KCNA6: variants seen among roughly 807,000 people sequenced by gnomAD.
KCNA6 encodes the protein human brain potassium channel-2.
Under a neutral mutation model 29.5 loss-of-function variants are expected in KCNA6, and 17 were observed. The ratio of observed to expected loss-of-function variants is 0.58; its 90% CI spans 0.39 to 0.86. KCNA6 has a LOEUF of 0.86. KCNA6 is among the 40% of genes least tolerant of loss of function. The pLI is 0.00. For missense variants in KCNA6, 450 were observed against 703.4 expected (o/e 0.64, Z 4.07); for synonymous variants, 296 against 304.7 (o/e 0.97, Z 0.30).
At chr12:4,813,883 T>C (rs7310372), downstream of KCNA6, 57,903 of 166,992 alleles carry the variant, frequency 0.35, 10,391 homozygotes, top group South Asian at 0.54. Context: ...GAAAACATTT[T>C]CTTTTCAAGT....
the KCNA6 span, among the ~76,000 whole-genome samples, chr12:4,828,335 C>A: frequency 6.6e-6 from 1 of 152,228 alleles, no homozygotes; most frequent in Non-Finnish European, 1.5e-5. Context: ...CTCTAGTTTT[C>A]TCATGCAATT....
the KCNA6 span, among the ~76,000 whole-genome samples, chr12:4,846,261 T>C: frequency 1.3e-5 from 2 of 152,174 alleles, no homozygotes; most frequent in African/African-American, 4.8e-5. Flanking sequence ...ACCTGTAACA[T>C]ACTAACATTG....
At chr12:4,824,044 G>C in the KCNA6 span, among the ~76,000 whole-genome samples, 1 of 152,174 alleles carries the variant, frequency 6.6e-6, no homozygotes, top group Non-Finnish European at 1.5e-5. Context: ...GTGTCTGCCT[G>C]TGTGACCCGG....
At chr12:4,832,035 T>C in the KCNA6 span, among the ~76,000 whole-genome samples, 1 of 152,094 alleles carries the variant, frequency 6.6e-6, no homozygotes, top group African/African-American at 2.4e-5. Context: ...TCAAAATGAG[T>C]AATAGCTCTC....
chr12:4,832,394 G>T, the KCNA6 span, among the ~76,000 whole-genome samples: 38,484 of 152,202 alleles, frequency 0.25, 5,184 homozygotes, highest in Middle Eastern at 0.37. Flanking sequence ...AGTGAGAGGT[G>T]CAGGGACGCA....
chr12:4,837,631 G>T, the KCNA6 span, among the ~76,000 whole-genome samples: 8 of 152,248 alleles, frequency 5.3e-5, no homozygotes, highest in Admixed American at 5.2e-4. Flanking sequence ...AGAAATCTGT[G>T]CTGATTGTTG....
chr12:4,843,783 A>G, the KCNA6 span, among the ~76,000 whole-genome samples: 26 of 152,270 alleles, frequency 1.7e-4, 1 homozygote, highest in East Asian at 3.3e-3. Context: ...TAAAACAACC[A>G]GATATCATGA....
the KCNA6 span, among the ~76,000 whole-genome samples, chr12:4,831,983 G>C: frequency 2.6e-5 from 4 of 152,256 alleles, no homozygotes; most frequent in Admixed American, 2.6e-4. Context: ...TAGAAGATAC[G>C]CTTAGCAAAT....
At chr12:4,816,883 T>G (rs1946687555), downstream of KCNA6, among the ~76,000 whole-genome samples, 2 of 152,178 alleles carry the variant, frequency 1.3e-5, no homozygotes, top group Admixed American at 1.3e-4. Flanking sequence ...TGCTTTGCCT[T>G]GTGCCCACTG....
chr12:4,833,262 C>T, the KCNA6 span, among the ~76,000 whole-genome samples: 6 of 152,184 alleles, frequency 3.9e-5, no homozygotes, highest in African/African-American at 7.2e-5. Context: ...CTGGGCAGCT[C>T]TTCTGGTCTC....
the KCNA6 span, among the ~76,000 whole-genome samples, chr12:4,845,333 A>G: frequency 6.6e-5 from 10 of 152,198 alleles, no homozygotes; most frequent in Admixed American, 6.5e-4. Context: ...AATGGGTATC[A>G]TGGTTTCTTA....
the KCNA6 span, among the ~76,000 whole-genome samples, chr12:4,842,921 G>T: frequency 6.6e-6 from 1 of 152,130 alleles, no homozygotes; most frequent in Non-Finnish European, 1.5e-5. Flanking sequence ...TTGTGTCCGT[G>T]GCCAGGTGAA....
At chr12:4,829,705 A>G in the KCNA6 span, among the ~76,000 whole-genome samples, 1 of 152,020 alleles carries the variant, frequency 6.6e-6, no homozygotes, top group South Asian at 2.1e-4. Flanking sequence ...CAGGATTTAA[A>G]AAAAAAAAAG....
At chr12:4,824,108 A>AT in the KCNA6 span, among the ~76,000 whole-genome samples, 1 of 152,212 alleles carries the variant, frequency 6.6e-6, no homozygotes, top group Non-Finnish European at 1.5e-5. Flanking sequence ...AAACTGGGCC[A>AT]TTAATAGACA....
At chr12:4,837,899 T>C in the KCNA6 span, among the ~76,000 whole-genome samples, 458 of 152,064 alleles carry the variant, frequency 3.0e-3, 1 homozygote, top group African/African-American at 0.011. Context: ...ATGGATAGAC[T>C]GCCTGAGTGT....
chr12:4,818,838 G>GCACACACA, the KCNA6 span, among the ~76,000 whole-genome samples: 1 of 148,640 alleles, frequency 6.7e-6, no homozygotes, highest in African/African-American at 2.5e-5. Flanking sequence ...CCCTGAAAGT[G>GCACACACA]CACACACACA....
At chr12:4,846,209 T>C in the KCNA6 span, among the ~76,000 whole-genome samples, 107 of 152,326 alleles carry the variant, frequency 7.0e-4, no homozygotes, top group Non-Finnish European at 1.3e-3. Context: ...TTTCAGACTT[T>C]GGAGCATTTT....
chr12:4,847,545 C>A, the KCNA6 span, among the ~76,000 whole-genome samples: 1 of 151,984 alleles, frequency 6.6e-6, no homozygotes, highest in Non-Finnish European at 1.5e-5. Flanking sequence ...TTTTAATTTC[C>A]AAAGAATTAT....
At chr12:4,819,381 C>T in the KCNA6 span, among the ~76,000 whole-genome samples, 2 of 152,350 alleles carry the variant, frequency 1.3e-5, no homozygotes, top group Admixed American at 6.5e-5. Flanking sequence ...GTTCCAGTGG[C>T]TTTCAAACTT....
Sources: gnomAD v4.1 joint callset for allele counts (sites outside exome capture counted in the v4.1 genomes callset) on GRCh38, gnomAD v4.1.1 for gene constraint, MANE v1.5 for transcripts, NCBI Gene and HGNC (gene_info 2026-07-23, HGNC 2026-07-21) for gene names.